SRSF1: variants seen among roughly 807,000 people sequenced by gnomAD.
SRSF1 encodes the protein serine and arginine rich splicing factor 1.
A neutral mutation model predicts 25.9 loss-of-function variants in SRSF1; 1 was observed. The observed-to-expected ratio is 0.04, with a 90% confidence interval of 0.01 to 0.18. The LOEUF is 0.18. Among genes scored for constraint, SRSF1 ranks in the 10% least tolerant of loss-of-function variants. The probability of loss-of-function intolerance (pLI) is 1.00; values close to 1 mark genes in which losing one functional copy is unlikely to be tolerated. For missense variants in SRSF1, 65 were observed against 350.5 expected (o/e 0.19, Z 6.50); for synonymous variants, 132 against 126.2 (o/e 1.05, Z -0.31).
chr17:57,999,972 C>A (rs2075379917), downstream of SRSF1, among the ~76,000 whole-genome samples: 1 of 152,066 alleles, frequency 6.6e-6, no homozygotes, highest in Non-Finnish European at 1.5e-5. Flanking sequence ...GTTTTGCTTA[C>A]CTAAACAGTA....
chr17:57,998,888 A>G (rs1598057285), downstream of SRSF1, among the ~76,000 whole-genome samples: 1 of 152,364 alleles, frequency 6.6e-6, no homozygotes, highest in East Asian at 1.9e-4. Flanking sequence ...CTTCTGGATG[A>G]CTAAATCCCA....
At chr17:57,989,615 A>AT in the SRSF1 span, 1 of 398,582 alleles carries the variant, frequency 2.5e-6, no homozygotes, top group South Asian at 1.3e-4. Flanking sequence ...CTAGACAAGA[A>AT]TACCCCCTCC....
At chr17:57,996,285 C>A (rs988480280), downstream of SRSF1, among the ~76,000 whole-genome samples, 6 of 151,932 alleles carry the variant, frequency 3.9e-5, no homozygotes, top group Admixed American at 1.3e-4. Context: ...GAGTTTGAGA[C>A]CAGCCTGGCC....
At chr17:57,989,757 C>T in the SRSF1 span, 3 of 398,630 alleles carry the variant, frequency 7.5e-6, no homozygotes, top group South Asian at 1.3e-4. Flanking sequence ...CAGTTTGGAT[C>T]AGTAGCAGAA....
downstream of SRSF1, among the ~76,000 whole-genome samples, chr17:57,996,494 A>AAAAAAC (rs1555574747): frequency 1.3e-5 from 2 of 150,820 alleles, no homozygotes; most frequent in Non-Finnish European, 3.0e-5. Context: ...AAAAAAAAAA[A>AAAAAAC]AAAAAAAAAC....
Position 58,005,773 on chromosome 17 carries a change from CAAAGA to C in SRSF1, c.552+23_552+27del. On this transcript the variant is annotated intron_variant, in intron 3 of 3. Coordinates refer to ENST00000258962, the MANE Select transcript of SRSF1 (RefSeq NM_006924.5). This position sits in a 1 kb window ranked among gnomAD's most constrained non-coding sequence, Gnocchi z 5.2. ...TAAGACCACTGTATCCAATTCTGGT[CAAAGA>C]AAAGAATACGTGTATAACCTACCTC... The C allele has an allele frequency of 6.2e-7, 1 of 1,614,060 alleles. No individual in the cohort carries two copies. The highest frequency in any genetic ancestry group is 8.5e-7 in the Non-Finnish European group (1 of 1,180,022).
At chr17:57,998,685 T>G (rs1488830739), downstream of SRSF1, among the ~76,000 whole-genome samples, 1 of 152,212 alleles carries the variant, frequency 6.6e-6, no homozygotes, top group Non-Finnish European at 1.5e-5. Context: ...AGACTACTAG[T>G]TAACAGTAAC....
At chr17:58,006,564 C>T (rs1269408695) in intron 1 of SRSF1, 37 bp from the exon 2 acceptor site, 1 of 1,580,224 alleles carries the variant, frequency 6.3e-7, no homozygotes, top group East Asian at 2.3e-5. Context: ...ATGAGAAACA[C>T]CAGGAGGAGA....
chr17:57,997,702 G>A (rs2075370383), downstream of SRSF1, among the ~76,000 whole-genome samples: 1 of 152,164 alleles, frequency 6.6e-6, no homozygotes, highest in Admixed American at 6.5e-5. Flanking sequence ...CTGGAGATGG[G>A]AAGACAAATC....
rs1371141273 is a variant in SRSF1, at chr17:58,004,635, A to C, written c.*771T>G. On this transcript the variant is annotated 3_prime_UTR_variant, in exon 4 of 4. Transcript: ENST00000258962. ...GTACACCAACAGCAGGTCACACATT[A>C]ACAGTTGTAACTAAGCACTGTGACA... 8.9e-6 allele frequency: 2 copies of C among 224,520 alleles called. No individual in the cohort carries two copies. Among genetic ancestry groups the C allele is most frequent in the Non-Finnish European group, 1.7e-5 (2 of 115,648 alleles). 13.9% of individuals were successfully genotyped at this position (224,520 alleles called of 1,614,324 possible). A position where few individuals can be genotyped will look rare whatever the true frequency, so the allele number is the denominator to read the frequency against.
rs556097175 is a variant in SRSF1, at chr17:58,001,381, G to T, written c.*4025C>A. ...AACTTAGGAAAAATCATTTTACGGG[G>T]AATCTATTCATATTCCAAACAGCAT... On this transcript the variant is annotated 3_prime_UTR_variant, in exon 4 of 4. Transcript: ENST00000258962. Among the ~76,000 whole-genome samples the T allele has an allele frequency of 6.6e-6, 1 of 152,214 alleles. No homozygotes were observed. Among genetic ancestry groups the T allele is most frequent in the East Asian group, 1.9e-4 (1 of 5,186 alleles).
chr17:58,000,786 A>T (rs541966847), downstream of SRSF1, among the ~76,000 whole-genome samples: 67 of 152,284 alleles, frequency 4.4e-4, no homozygotes, highest in African/African-American at 1.6e-3. Context: ...TCAGAGCTGT[A>T]TGCACTTTAT....
intron 1 of SRSF1, 101 bp downstream of exon 1, chr17:58,006,843 C>G: frequency 1.4e-6 from 2 of 1,422,916 alleles, no homozygotes; most frequent in Non-Finnish European, 1.9e-6. Context: ...CCCAACCTCT[C>G]TAAGAGCCCC....
downstream of SRSF1, among the ~76,000 whole-genome samples, chr17:57,996,207 G>A (rs561885684): frequency 2.6e-5 from 4 of 152,224 alleles, no homozygotes; most frequent in East Asian, 1.9e-4. Flanking sequence ...TTGGGGAGCC[G>A]GGCGCGGTGG....
chr17:57,989,826 AAG>A, the SRSF1 span: 3 of 398,326 alleles, frequency 7.5e-6, no homozygotes, highest in Non-Finnish European at 1.3e-5. Context: ...AAAATGATGA[AAG>A]AGTTTCTGAT....
chr17:57,989,261 G>T, the SRSF1 span: 1 of 398,602 alleles, frequency 2.5e-6, no homozygotes, highest in Non-Finnish European at 4.4e-6. Flanking sequence ...CTCACACAGA[G>T]GGAAGCTACT....
In SRSF1 at chr17:58,002,529, G is replaced by A. The variant is rs1174014422; in HGVS notation, c.*2877C>T. ...TGTCAGTAGACAAATACAAGAAGTAGCAGGCTAAAAGTTTTTAACTGCTTT... is the reference window on the plus strand; with the variant it reads ...TGTCAGTAGACAAATACAAGAAGTAACAGGCTAAAAGTTTTTAACTGCTTT... On this transcript the variant is annotated 3_prime_UTR_variant, in exon 4 of 4. Transcript: ENST00000258962. Among the ~76,000 whole-genome samples, 1 of 152,194 alleles carries A rather than the reference G, an allele frequency of 6.6e-6. No homozygotes were observed. The highest frequency in any genetic ancestry group is 1.5e-5 in the Non-Finnish European group (1 of 68,038).
At chr17:57,994,237 C>A in the SRSF1 span, 1 of 152,186 alleles carries the variant, frequency 6.6e-6, no homozygotes, top group Non-Finnish European at 1.5e-5. Context: ...TGGCCTCCTA[C>A]ATAGCACATC....
chr17:58,002,248 T>G lies in SRSF1; in HGVS notation c.*3158A>C, dbSNP rs575112157. 3.9e-5 allele frequency among the ~76,000 whole-genome samples: 6 copies of G among 152,340 alleles called. No individual in the cohort carries two copies. The highest frequency in any genetic ancestry group is 1.4e-4 in the African/African-American group (6 of 41,574). ...AAGAGCTACATCCTTAAACTTACAC[T>G]AAGTACTTAGTGAAATTCTGCATTC... On this transcript the variant is annotated 3_prime_UTR_variant, in exon 4 of 4. Transcript: ENST00000258962.
Sources: allele counts gnomAD v4.1 joint callset (sites outside exome capture counted in the v4.1 genomes callset), GRCh38; gene constraint gnomAD v4.1.1; non-coding constraint Gnocchi (gnomAD v3.1); transcripts MANE v1.5; gene names NCBI Gene and HGNC (gene_info 2026-07-23, HGNC 2026-07-21).